The following CRIP3 variants were observed in gnomAD, a reference collection of about 807,000 sequenced individuals.
The protein encoded by CRIP3 is cysteine rich protein 3, also known as cysteine-rich protein 3.
A neutral mutation model predicts 30.3 loss-of-function variants in CRIP3; 23 were observed. The ratio of observed to expected loss-of-function variants is 0.76; its 90% CI spans 0.55 to 1.08. The LOEUF is 1.08. Among genes scored for constraint, CRIP3 ranks in the 50% least tolerant of loss-of-function variants. CRIP3 has a pLI of 0.00. For missense variants in CRIP3, 261 were observed against 259.3 expected (o/e 1.01, Z -0.04); for synonymous variants, 89 against 97.6 (o/e 0.91, Z 0.52).
In CRIP3 at chr6:43,305,875, C is replaced by A; in HGVS notation, c.554G>T (p.Gly185Val). 1 of 1,614,160 alleles carries A rather than the reference C, an allele frequency of 6.2e-7. No individual in the cohort carries two copies. The highest frequency in any genetic ancestry group is 1.1e-5 in the South Asian group (1 of 91,090). ...GCAGCCCACATCGCCAATGTTCACA[C>A]CTGAGAGAGAGAGCCCTATCACCAA... ...PCYGYLFGPK[G>V]VNIGDVGCYI... The change falls in exon 8 of 8, where the codon GGT becomes GTT. Residue 185 changes from glycine to valine, a missense_variant and splice_region_variant. Coordinates refer to ENST00000372569, the MANE Select transcript of CRIP3 (RefSeq NM_206922.3).
At chr6:43,307,495 G>T in intron 4 of CRIP3, 117 bp downstream of exon 4, 1 of 1,005,650 alleles carries the variant, frequency 9.9e-7, no homozygotes. Context: ...TGCCAAGAAT[G>T]AAGTTGTGAG....
chr6:43,306,572 C>CATA, intron 4 of CRIP3, 55 bp from the exon 5 acceptor site: 2 of 1,404,848 alleles, frequency 1.4e-6, no homozygotes, highest in East Asian at 2.3e-5. Flanking sequence ...CCACCAGCAC[C>CATA]TGCCTGCATA....
intron 4 of CRIP3, 175 bp downstream of exon 4, chr6:43,307,437 T>TAGAAAGAA (rs570466261): frequency 3.8e-6 from 2 of 532,114 alleles, no homozygotes; most frequent in African/African-American, 3.9e-5. Context: ...CATGAGGGAA[T>TAGAAAGAA]AGAAAGAAAG....
Position 43,308,739 on chromosome 6 carries a change from C to A in CRIP3, c.43+11G>T. 6.2e-7 allele frequency: 1 copy of A among 1,614,116 alleles called. No homozygotes were observed. The highest frequency in any genetic ancestry group is 8.5e-7 in the Non-Finnish European group (1 of 1,180,036). On this transcript the variant is annotated intron_variant, in intron 1 of 7. Coordinates refer to ENST00000372569, the MANE Select transcript of CRIP3 (RefSeq NM_206922.3). ...GCCCCATCTTCTCCCCCTCCGCAGCCCGGGCCTCACCGAAGAAAACAGGTT... is the reference window on the plus strand; with the variant it reads ...GCCCCATCTTCTCCCCCTCCGCAGCACGGGCCTCACCGAAGAAAACAGGTT...
At position 43,305,759 on chromosome 6, in the gene CRIP3, A is replaced by G. The variant is rs1006728651; in HGVS notation, c.*55T>C. 2 of 1,605,392 alleles carry G rather than the reference A, an allele frequency of 1.2e-6. No individual in the cohort carries two copies. The highest frequency in any genetic ancestry group is 1.7e-6 in the Non-Finnish European group (2 of 1,172,536). On this transcript the variant is annotated 3_prime_UTR_variant, in exon 8 of 8. Coordinates refer to ENST00000372569, the MANE Select transcript of CRIP3 (RefSeq NM_206922.3). ...TGGAGATTTTTGTAGCTTCCATTGG[A>G]CCATGAGGGGCATGATGGGAGGCCT...
At position 43,305,763 on chromosome 6, in the gene CRIP3, T is replaced by A. The variant is rs1435777183; in HGVS notation, c.*51A>T. 1 of 1,606,414 alleles carries A rather than the reference T, an allele frequency of 6.2e-7. No individual in the cohort carries two copies. Among genetic ancestry groups the A allele is most frequent in the South Asian group, 1.1e-5 (1 of 90,884 alleles). ...GATTTTTGTAGCTTCCATTGGACCA[T>A]GAGGGGCATGATGGGAGGCCTGAGT... is the stretch of plus-strand genomic sequence containing the variant. On this transcript the variant is annotated 3_prime_UTR_variant, in exon 8 of 8. Coordinates refer to ENST00000372569, the MANE Select transcript of CRIP3 (RefSeq NM_206922.3).
intron 3 of CRIP3, 38 bp downstream of exon 3, chr6:43,307,801 G>T: frequency 6.2e-7 from 1 of 1,612,222 alleles, no homozygotes; most frequent in Non-Finnish European, 8.5e-7. Context: ...CACAAGGAGG[G>T]TTCTGCTGAC....
Position 43,305,716 on chromosome 6 carries a change from C to T in CRIP3, c.*98G>A, listed in dbSNP as rs1778910317. The T allele has an allele frequency of 2.0e-6, 3 of 1,491,090 alleles. No homozygotes were observed. Among genetic ancestry groups the T allele is most frequent in the Non-Finnish European group, 2.8e-6 (3 of 1,070,644 alleles). 92.4% of individuals were successfully genotyped at this position (1,491,090 alleles called of 1,614,324 possible). On this transcript the variant is annotated 3_prime_UTR_variant, in exon 8 of 8. Transcript: ENST00000372569. Reference sequence around the variant, plus strand: ...GCCCAGGCCCCCAAGATCCCACCTTCCCCAACCCCCATGGGACTGGAGATT... The same window carrying T: ...GCCCAGGCCCCCAAGATCCCACCTTTCCCAACCCCCATGGGACTGGAGATT...
intron 4 of CRIP3, chr6:43,306,950 C>T (rs948036599): frequency 5.8e-6 from 1 of 171,002 alleles, no homozygotes; most frequent in African/African-American, 2.4e-5. Context: ...GGCCTTATCC[C>T]AATGACTCCT....
intron 7 of CRIP3, 84 bp from the exon 8 acceptor site, chr6:43,305,959 G>A: frequency 1.2e-6 from 2 of 1,610,904 alleles, no homozygotes; most frequent in Non-Finnish European, 1.7e-6. Context: ...GGGGGGCCAG[G>A]GTATGCTTAA....
intron 7 of CRIP3, 63 bp downstream of exon 7, chr6:43,306,004 C>T: frequency 6.2e-7 from 1 of 1,605,154 alleles, no homozygotes; most frequent in African/African-American, 1.3e-5. Context: ...ACCCACAGAC[C>T]ATGTACATGC....
intron 2 of CRIP3, 32 bp downstream of exon 2, chr6:43,308,283 A>G: frequency 6.4e-7 from 1 of 1,559,358 alleles, no homozygotes; most frequent in Non-Finnish European, 8.8e-7. Context: ...GCAGTGATGT[A>G]AACAGGGCAG....
chr6:43,305,596 C>T lies in CRIP3; in HGVS notation c.*218G>A. ...GTTGTGATGGCCAGGAGGAGGATAC[C>T]CTTCAAAACGGGCTGTTCCCTAACC... On this transcript the variant is annotated 3_prime_UTR_variant, in exon 8 of 8. Transcript: ENST00000372569. 2 of 611,422 alleles carry T rather than the reference C, an allele frequency of 3.3e-6. No individual in the cohort carries two copies. The highest frequency in any genetic ancestry group is 2.8e-5 in the East Asian group (1 of 35,484). 37.9% of individuals were successfully genotyped at this position (611,422 alleles called of 1,614,324 possible).
chr6:43,308,538 G>C lies in CRIP3; in HGVS notation c.44-129C>G. 6 of 919,492 alleles carry C rather than the reference G, an allele frequency of 6.5e-6. No homozygotes were observed. In the Middle Eastern group the frequency reaches 6.6e-4, roughly 101 times the overall value. 57.0% of individuals were successfully genotyped at this position (919,492 alleles called of 1,614,324 possible). ...TTCCTGGAGATGAGTGTCTCCAGGAGGCCAGCTCCATCCCGCTCCGGTTTC... is the reference window on the plus strand; with the variant it reads ...TTCCTGGAGATGAGTGTCTCCAGGACGCCAGCTCCATCCCGCTCCGGTTTC... On this transcript the variant is annotated intron_variant, in intron 1 of 7. Coordinates refer to ENST00000372569, the MANE Select transcript of CRIP3 (RefSeq NM_206922.3).
At chr6:43,308,207 C>T (rs1462009174) in intron 2 of CRIP3, 108 bp downstream of exon 2, 7 of 1,023,482 alleles carry the variant, frequency 6.8e-6, no homozygotes, top group Middle Eastern at 3.2e-4. Context: ...TTGGGGTTGG[C>T]TACTGAGGTT....
intron 7 of CRIP3, 76 bp from the exon 8 acceptor site, chr6:43,305,951 G>A (rs2150739379): frequency 6.2e-7 from 1 of 1,611,446 alleles, no homozygotes; most frequent in Non-Finnish European, 8.5e-7. Flanking sequence ...ACTTGGTGGG[G>A]GGGCCAGGGT....
intron 1 of CRIP3, 43 bp from the exon 2 acceptor site, chr6:43,308,452 A>G: frequency 1.9e-6 from 3 of 1,542,976 alleles, no homozygotes; most frequent in African/African-American, 1.4e-5. Context: ...GAGCCTGTCC[A>G]AGCATAGGGC....
At chr6:43,307,099 G>A (rs1311397040) in intron 4 of CRIP3, 3 of 153,424 alleles carry the variant, frequency 2.0e-5, no homozygotes, top group African/African-American at 7.3e-5. Context: ...AACACACGAG[G>A]AGAGGGGATA....
In CRIP3 at chr6:43,308,758, A is replaced by G. The variant is rs1279851022; in HGVS notation, c.35T>C (p.Val12Ala). ...CGCAGCCCGGGCCTCACCGAAGAAA[A>G]CAGGTTGCTGGCAACGCGGACAGGT... is the stretch of plus-strand genomic sequence containing the variant. ...SWTCPRCQQP[V>A]FFAEKVSSLG... The change falls in exon 1 of 8, where the codon GTT (valine) becomes GCT (alanine). Residue 12 changes from valine to alanine, a missense_variant. Val to Ala is a moderately conservative substitution (Grantham distance 64). Coordinates refer to ENST00000372569, the MANE Select transcript of CRIP3 (RefSeq NM_206922.3). 1 of 1,613,816 alleles carries G rather than the reference A, an allele frequency of 6.2e-7. No individual in the cohort carries two copies. The highest frequency in any genetic ancestry group is 1.7e-5 in the Admixed American group (1 of 59,996).
Sources: gnomAD v4.1 joint callset for allele counts on GRCh38, gnomAD v4.1.1 for gene constraint, MANE v1.5 for transcripts, NCBI Gene and HGNC (gene_info 2026-07-23, HGNC 2026-07-21) for gene names.